The following RARG variants were observed in gnomAD, a reference collection of about 807,000 sequenced individuals.
RARG encodes the protein retinoic acid receptor gamma.
A neutral mutation model predicts 43.7 loss-of-function variants in RARG; 17 were observed. The observed-to-expected ratio is 0.39, with a 90% CI of 0.27 to 0.58. RARG has a LOEUF of 0.58. Ranked by LOEUF, RARG falls within the 20% of genes least tolerant of loss-of-function variation. RARG has a pLI of 0.57. For missense variants in RARG, 346 were observed against 598.7 expected (o/e 0.58, Z 4.40); for synonymous variants, 238 against 236.4 (o/e 1.01, Z -0.06).
At chr12:53,229,159 G>A (rs2120738648) in intron 2 of RARG, among the ~76,000 whole-genome samples, 1 of 152,238 alleles carries the variant, frequency 6.6e-6, no homozygotes, top group South Asian at 2.1e-4. Context: ...CCCAGCCTGG[G>A]TATCTCCACC....
At position 53,215,731 on chromosome 12, in the gene RARG, G is replaced by A. The variant is rs769056213; in HGVS notation, c.248C>T (p.Pro83Leu). The change falls in exon 4 of 10, where the codon CCT becomes CTT. Residue 83 changes from proline to leucine, a missense_variant. Physicochemically the swap from Pro to Leu is moderately conservative, Grantham distance 98. Around this residue, in one of 8 missense-constraint regions of RARG, gnomAD observed 50 missense variants for 117.7 expected, o/e 0.42. Transcript: ENST00000425354. This position sits in a 1 kb window ranked among gnomAD's most constrained non-coding sequence, Gnocchi z 6.4. ...MVPSSPSPPP[P>L]PRVYKPCFVC... ...GAAGCATGGCTTGTAGACCCGAGGA[G>A]GCGGAGGGGGCGAGGGCGAGCTGGG... The A allele has an allele frequency of 6.2e-7, 1 of 1,613,512 alleles. No individual in the cohort carries two copies. The highest frequency in any genetic ancestry group is 8.5e-7 in the Non-Finnish European group (1 of 1,179,886).
At chr12:53,219,988 A>T in intron 3 of RARG, 1 of 1,522,632 alleles carries the variant, frequency 6.6e-7, no homozygotes, top group South Asian at 1.2e-5. Context: ...AAAAGATTCA[A>T]GTCCGGCGAA....
intron 2 of RARG, among the ~76,000 whole-genome samples, chr12:53,230,355 G>A (rs1226625790): frequency 6.6e-6 from 1 of 151,992 alleles, no homozygotes; most frequent in Non-Finnish European, 1.5e-5. Flanking sequence ...GTGTTTCCCT[G>A]TCGCCCTGCC....
chr12:53,231,731 A>G (rs1943240173), intron 1 of RARG, among the ~76,000 whole-genome samples: 1 of 152,228 alleles, frequency 6.6e-6, no homozygotes, highest in South Asian at 2.1e-4. Flanking sequence ...GTCCTCTGCT[A>G]TGCACCAAAA....
intron 5 of RARG, 114 bp from the exon 6 acceptor site, chr12:53,214,720 C>T: frequency 8.6e-7 from 1 of 1,156,674 alleles, no homozygotes; most frequent in Non-Finnish European, 1.2e-6. Flanking sequence ...TATTCTCTGG[C>T]ACTGTAATTA....
chr12:53,214,978 C>T, intron 5 of RARG: 1 of 431,082 alleles, frequency 2.3e-6, no homozygotes, highest in East Asian at 4.0e-5. Context: ...ATATCCATCT[C>T]TGGCTCAGTC....
intron 3 of RARG, among the ~76,000 whole-genome samples, chr12:53,218,829 C>A (rs1220923613): frequency 1.9e-4 from 29 of 151,092 alleles, no homozygotes; most frequent in African/African-American, 7.1e-4. Context: ...CCCTTCCCAG[C>A]GTGCCCCCAA....
chr12:53,227,222 T>C lies in RARG; in HGVS notation c.184+140A>G, dbSNP rs995468262. 4 of 828,242 alleles carry C rather than the reference T, an allele frequency of 4.8e-6. No homozygotes were observed. Among genetic ancestry groups the C allele is most frequent in the African/African-American group, 3.5e-5 (2 of 56,352 alleles). The allele number at this position is 828,242 out of a possible 1,614,324, so 51.3% of individuals were successfully genotyped here. ...TCCTCACCACCACTACCACCCTCCA[T>C]TATTCACTACTACTCCATTAGGCCA... On this transcript the variant is annotated intron_variant, in intron 3 of 9. Coordinates refer to ENST00000425354, the MANE Select transcript of RARG (RefSeq NM_000966.6). This position sits in a 1 kb window ranked among gnomAD's most constrained non-coding sequence, Gnocchi z 4.3.
chr12:53,214,369 T>G (rs1942697114), intron 6 of RARG, 77 bp downstream of exon 6: 1 of 1,561,946 alleles, frequency 6.4e-7, no homozygotes, highest in Non-Finnish European at 8.8e-7. Context: ...CAGTCGATGA[T>G]AGCCTCCAAC....
intron 3 of RARG, among the ~76,000 whole-genome samples, chr12:53,225,646 G>T (rs1394105952): frequency 6.6e-6 from 1 of 152,206 alleles, no homozygotes; most frequent in Non-Finnish European, 1.5e-5. Context: ...CTCTGAAATT[G>T]CTCTTTCCCC....
rs1480323394 is a variant in RARG at position 53,210,801 on chromosome 12, G to T, written c.*875C>A. On this transcript the variant is annotated 3_prime_UTR_variant, in exon 10 of 10. Transcript: ENST00000425354. ...CCACCCAAGACCCCTGGAGGAAGGG[G>T]TCAATTCCACGGTGTAAACAAAAGC... 6.6e-6 allele frequency: 1 copy of T among 152,624 alleles called. No individual in the cohort carries two copies. The highest frequency in any genetic ancestry group is 6.5e-5 in the Admixed American group (1 of 15,286). 9.5% of individuals were successfully genotyped at this position (152,624 alleles called of 1,614,324 possible).
At chr12:53,220,301 A>T in intron 3 of RARG, 1 of 1,414,236 alleles carries the variant, frequency 7.1e-7, no homozygotes, top group East Asian at 2.7e-5. Flanking sequence ...CGGGGCGCGA[A>T]GCTGGGGCTG....
intron 3 of RARG, among the ~76,000 whole-genome samples, chr12:53,221,149 T>A (rs1650457367): frequency 1.1e-5 from 1 of 94,268 alleles, no homozygotes; most frequent in Non-Finnish European, 2.1e-5. Context: ...TCTTCAGCGC[T>A]GCCGCGGAGT....
In RARG at chr12:53,210,661, C is replaced by T. The variant is rs1183267673; in HGVS notation, c.*1015G>A. 1 of 152,554 alleles carries T rather than the reference C, an allele frequency of 6.6e-6. No individual in the cohort carries two copies. The highest frequency in any genetic ancestry group is 6.5e-5 in the Admixed American group (1 of 15,278). 9.5% of individuals were successfully genotyped at this position (152,554 alleles called of 1,614,324 possible). ...GGAGATGTAAACAGAGGGGAGGGGA[C>T]AGCACCCTGACCCCCCAAGAGAACA... On this transcript the variant is annotated 3_prime_UTR_variant, in exon 10 of 10. Transcript: ENST00000425354.
At chr12:53,229,168 C>A (rs1047632317) in intron 2 of RARG, among the ~76,000 whole-genome samples, 2 of 152,122 alleles carry the variant, frequency 1.3e-5, no homozygotes, top group Admixed American at 1.3e-4. Context: ...GGTATCTCCA[C>A]CAGTCAGAGC....
chr12:53,212,169 G>T (rs1013131574), intron 9 of RARG, among the ~76,000 whole-genome samples: 1 of 152,150 alleles, frequency 6.6e-6, no homozygotes, highest in East Asian at 1.9e-4. Context: ...CCCCACTCTC[G>T]AATGTCCAGA....
intron 5 of RARG, chr12:53,214,878 G>C (rs1465938802): frequency 2.2e-6 from 1 of 451,264 alleles, no homozygotes; most frequent in Admixed American, 3.7e-5. Context: ...CTGGGGGAGG[G>C]GGGGCAGGAT....
chr12:53,214,945 G>C (rs921477619), intron 5 of RARG: 4 of 398,106 alleles, frequency 1.0e-5, no homozygotes, highest in South Asian at 4.2e-5. Context: ...GGCGAGGGGG[G>C]GGTGGAGAGG....
At chr12:53,218,601 A>C (rs1942844562) in intron 3 of RARG, among the ~76,000 whole-genome samples, 1 of 151,766 alleles carries the variant, frequency 6.6e-6, no homozygotes, top group South Asian at 2.1e-4. Context: ...CCCACCCAAA[A>C]GTAAAGTCAA....
Sources: gnomAD v4.1 joint callset for allele counts (sites outside exome capture counted in the v4.1 genomes callset) on GRCh38, gnomAD v4.1.1 for gene constraint, gnomAD v4.1.1 regional missense constraint, Gnocchi (gnomAD v3.1) non-coding constraint, MANE v1.5 for transcripts, NCBI Gene and HGNC (gene_info 2026-07-23, HGNC 2026-07-21) for gene names.